Variants in CC2D2A observed in about 807,000 individuals in gnomAD.
The protein encoded by CC2D2A is coiled-coil and C2 domain-containing protein 2A.
In CC2D2A, 155 loss-of-function variants were observed where a neutral mutation model predicts 212.9. The ratio of observed to expected loss-of-function variants is 0.73; its 90% CI spans 0.64 to 0.83. The LOEUF is 0.83. CC2D2A is among the 40% of genes least tolerant of loss of function. CC2D2A has a pLI of 0.00. For missense variants in CC2D2A, 1,856 were observed against 1,956.2 expected (o/e 0.95, Z 0.97); for synonymous variants, 667 against 686.5 (o/e 0.97, Z 0.44).
At position 15,515,927 on chromosome 4, in the gene CC2D2A, C is replaced by G; in HGVS notation, c.940C>G (p.Leu314Val). 1 of 1,562,924 alleles carries G rather than the reference C, an allele frequency of 6.4e-7. No individual in the cohort carries two copies. The highest frequency in any genetic ancestry group is 1.2e-5 in the South Asian group (1 of 84,600). ...GCCCAGGTTCCTGGAAGATGAAGGC[C>G]TTTACACCGGGGTAAGACCAGAGGT... ...VQPRFLEDEG[L>V]YTGVRPEVAR... The change falls in exon 10 of 37, where the codon CTT (leucine) becomes GTT (valine). Residue 314 changes from leucine (L) to valine (V), a missense_variant. Physicochemically the swap from Leu to Val is conservative, Grantham distance 32. This residue lies in a region of CC2D2A where 1,512 missense variants were observed against 1,579.3 expected (regional missense o/e 0.96). Transcript: ENST00000424120.
chr4:15,591,119 T>G (rs917557068), intron 33 of CC2D2A, among the ~76,000 whole-genome samples: 1 of 152,214 alleles, frequency 6.6e-6, no homozygotes, highest in Non-Finnish European at 1.5e-5. Context: ...ATTATATATA[T>G]TTTCGTATCA....
intron 2 of CC2D2A, 57 bp from the exon 3 acceptor site, chr4:15,478,666 A>G (rs1198979704): frequency 7.4e-7 from 1 of 1,356,960 alleles, no homozygotes; most frequent in Non-Finnish European, 1.0e-6. Context: ...TTTAATACCT[A>G]AAAGTCATAC....
intron 17 of CC2D2A, among the ~76,000 whole-genome samples, chr4:15,547,971 G>C (rs564469569): frequency 1.8e-3 from 275 of 152,076 alleles, no homozygotes; most frequent in African/African-American, 6.5e-3. Context: ...CTCAGGAGGT[G>C]GAAGTTGCTG....
chr4:15,481,479 C>A, intron 4 of CC2D2A: 1 of 266,624 alleles, frequency 3.8e-6, no homozygotes, highest in Non-Finnish European at 7.6e-6. Context: ...GCACTGCACT[C>A]CAGCCTAGGC....
intron 16 of CC2D2A, among the ~76,000 whole-genome samples, chr4:15,538,553 G>T (rs1718259807): frequency 1.3e-5 from 2 of 152,118 alleles, no homozygotes; most frequent in South Asian, 4.2e-4. Flanking sequence ...GCCTTTCCTT[G>T]CCCCTTCCTT....
At chr4:15,596,244 G>T in intron 34 of CC2D2A, 37 bp downstream of exon 34, 1 of 1,456,180 alleles carries the variant, frequency 6.9e-7, no homozygotes, top group South Asian at 1.5e-5. Context: ...TGTAGACAAA[G>T]TAAAAGATAG....
At chr4:15,550,437 A>G (rs1447538241) in intron 17 of CC2D2A, among the ~76,000 whole-genome samples, 4 of 152,346 alleles carry the variant, frequency 2.6e-5, no homozygotes, top group Admixed American at 2.6e-4. Context: ...ATCTGGGGGC[A>G]TGTCCTTACT....
intron 4 of CC2D2A, among the ~76,000 whole-genome samples, chr4:15,495,558 T>C (rs1263647102): frequency 6.6e-6 from 1 of 152,234 alleles, no homozygotes; most frequent in African/African-American, 2.4e-5. Flanking sequence ...GCAAAGGACA[T>C]GAATTCATTC....
intron 23 of CC2D2A, chr4:15,561,520 T>C (rs908403812): frequency 1.3e-5 from 2 of 152,168 alleles, no homozygotes; most frequent in Non-Finnish European, 2.9e-5. Flanking sequence ...TTAGAATAGA[T>C]GATGATTTTT....
At chr4:15,476,260 G>T (rs1714204317) in intron 2 of CC2D2A, among the ~76,000 whole-genome samples, 1 of 152,218 alleles carries the variant, frequency 6.6e-6, no homozygotes, top group African/African-American at 2.4e-5. Context: ...ATTAGTTACA[G>T]CTCAGTGTTG....
At chr4:15,579,169 T>C (rs547156806) in intron 29 of CC2D2A, among the ~76,000 whole-genome samples, 1 of 152,238 alleles carries the variant, frequency 6.6e-6, no homozygotes, top group South Asian at 2.1e-4. Context: ...TTTTTAAAAG[T>C]CTGGGAATTG....
intron 30 of CC2D2A, among the ~76,000 whole-genome samples, chr4:15,584,656 T>A (rs530706477): frequency 6.6e-6 from 1 of 152,070 alleles, no homozygotes; most frequent in Admixed American, 6.6e-5. Context: ...TGAGATTACA[T>A]CAATCTAAAA....
rs116342246 is a variant in CC2D2A at position 15,550,443 on chromosome 4, T to A, written c.2182-381T>A. On this transcript the variant is annotated intron_variant, in intron 17 of 36. Transcript: ENST00000424120. ...TAATAAGCCATCTGGGGGCATGTCCTTACTGTCCCACCCATTCCTCCTGAT... is the reference window on the plus strand; with the variant it reads ...TAATAAGCCATCTGGGGGCATGTCCATACTGTCCCACCCATTCCTCCTGAT... 1.3e-3 allele frequency among the ~76,000 whole-genome samples: 199 copies of A among 152,358 alleles called. 2 individuals carry two copies. Among genetic ancestry groups the A allele is most frequent in the African/African-American group, 4.5e-3 (189 of 41,584 alleles).
At chr4:15,479,158 G>C in intron 3 of CC2D2A, 1 of 1,201,770 alleles carries the variant, frequency 8.3e-7, no homozygotes, top group Non-Finnish European at 1.2e-6. Flanking sequence ...GGCAGTACAC[G>C]ATTACAAATC....
intron 11 of CC2D2A, 54 bp from the exon 12 acceptor site, chr4:15,527,393 T>G: frequency 7.6e-7 from 1 of 1,318,580 alleles, no homozygotes; most frequent in South Asian, 1.3e-5. Context: ...TAGAGAATCA[T>G]TATCTAGTAA....
In CC2D2A at chr4:15,517,008, C is replaced by T. The variant is rs555540006; in HGVS notation, c.1149+252C>T. 1.6e-3 allele frequency among the ~76,000 whole-genome samples: 208 copies of T among 132,814 alleles called. 1 individual carries two copies. The highest frequency in any genetic ancestry group is 2.4e-3 in the Non-Finnish European group (156 of 65,320). 87.1% of individuals were successfully genotyped at this position (132,814 alleles called of 152,430 possible). The stretch of plus-strand genomic sequence containing the variant: ...TGTCGCCCAGGTTGGAGTGCAGTGG[C>T]GCGATCTCGGCTCACTGCAGGCTCC... On this transcript the variant is annotated intron_variant, in intron 11 of 36. Coordinates refer to ENST00000424120, the MANE Select transcript of CC2D2A (RefSeq NM_001378615.1).
intron 2 of CC2D2A, among the ~76,000 whole-genome samples, chr4:15,478,230 G>T (rs1714365870): frequency 6.6e-6 from 1 of 152,228 alleles, no homozygotes; most frequent in African/African-American, 2.4e-5. Flanking sequence ...TTAACTTGAA[G>T]CATTTGTGAT....
chr4:15,476,269 T>G (rs1577305897), intron 2 of CC2D2A, among the ~76,000 whole-genome samples: 2 of 152,344 alleles, frequency 1.3e-5, no homozygotes, highest in South Asian at 2.1e-4. Context: ...AGCTCAGTGT[T>G]GCCTTATTTA....
chr4:15,533,659 T>G (rs1717970819), intron 14 of CC2D2A, among the ~76,000 whole-genome samples: 1 of 152,222 alleles, frequency 6.6e-6, no homozygotes, highest in African/African-American at 2.4e-5. Context: ...GTGTATTCTT[T>G]AGGGAATACA....
Sources: gnomAD v4.1 joint callset for allele counts (sites outside exome capture counted in the v4.1 genomes callset) on GRCh38, gnomAD v4.1.1 for gene constraint, gnomAD v4.1.1 regional missense constraint, MANE v1.5 for transcripts, NCBI Gene and HGNC (gene_info 2026-07-23, HGNC 2026-07-21) for gene names.